CELF3: variants seen among roughly 807,000 people sequenced by gnomAD.
CELF3 encodes the protein CAG repeat domain.
Under a neutral mutation model 59.6 loss-of-function variants are expected in CELF3, and 26 were observed. That is an observed-to-expected ratio of 0.44 (90% CI 0.32 to 0.61). The LOEUF is 0.61. Ranked by LOEUF, CELF3 falls within the 20% of genes least tolerant of loss-of-function variation. The probability of loss-of-function intolerance (pLI) is 0.06; values close to 1 mark genes in which losing one functional copy is unlikely to be tolerated. For missense variants in CELF3, 387 were observed against 627.2 expected (o/e 0.62, Z 4.09); for synonymous variants, 245 against 250.7 (o/e 0.98, Z 0.22).
intron 5 of CELF3, among the ~76,000 whole-genome samples, 194 bp downstream of exon 5, chr1:151,708,803 AG>A (rs1672774035): frequency 6.8e-6 from 1 of 146,544 alleles, no homozygotes. Flanking sequence ...GATGGGGAAT[AG>A]GGGAGGAGTG....
intron 2 of CELF3, among the ~76,000 whole-genome samples, chr1:151,713,956 G>A (rs1673242785): frequency 6.6e-6 from 1 of 152,142 alleles, no homozygotes. Context: ...CATACCTGGT[G>A]GCATCAGGCC....
In CELF3 at chr1:151,703,074, GCGGCT is replaced by G; in HGVS notation, c.*380_*384del. ...AGCTGGGAGTGTGTGGCAGGCCCCTGCGGCTCTCCTGGGGCCTGCACGGGTAGAAC... is the reference window on the plus strand; with the variant it reads ...AGCTGGGAGTGTGTGGCAGGCCCCTGCTCCTGGGGCCTGCACGGGTAGAAC... On this transcript the variant is annotated 3_prime_UTR_variant, in exon 13 of 13. Transcript: ENST00000290583. The G allele has an allele frequency of 9.3e-6, 4 of 430,986 alleles. No homozygotes were observed. The highest frequency in any genetic ancestry group is 6.5e-5 in the South Asian group (4 of 61,914). 26.7% of individuals were successfully genotyped at this position (430,986 alleles called of 1,614,324 possible). A position where few individuals can be genotyped will look rare whatever the true frequency, so the allele number is the denominator to read the frequency against.
intron 7 of CELF3, 98 bp from the exon 8 acceptor site, chr1:151,707,392 G>A (rs1318007665): frequency 6.5e-7 from 1 of 1,533,984 alleles, no homozygotes; most frequent in African/African-American, 1.4e-5. Context: ...GAGGAAGCAG[G>A]CCTCTCTGAC....
In CELF3 at chr1:151,702,533, C is replaced by G. The variant is rs1477403842; in HGVS notation, c.*926G>C. On this transcript the variant is annotated 3_prime_UTR_variant, in exon 13 of 13. Transcript: ENST00000290583. The stretch of plus-strand genomic sequence containing the variant: ...CCCCGGTCTCCCCTTACCACCCCCA[C>G]CCCCACCCCATTTTCTTTTCCCTAA... 6.9e-6 allele frequency: 1 copy of G among 144,378 alleles called. No homozygotes were observed. Among genetic ancestry groups the G allele is most frequent in the African/African-American group, 2.6e-5 (1 of 38,470 alleles). 8.9% of individuals were successfully genotyped at this position (144,378 alleles called of 1,614,324 possible). A position where few individuals can be genotyped will look rare whatever the true frequency, so the allele number is the denominator to read the frequency against.
Position 151,700,796 on chromosome 1 carries a change from G to A in CELF3, c.*2663C>T, listed in dbSNP as rs1452561001. Among the ~76,000 whole-genome samples the A allele has an allele frequency of 6.6e-6, 1 of 152,224 alleles. No individual in the cohort carries two copies. Among genetic ancestry groups the A allele is most frequent in the African/African-American group, 2.4e-5 (1 of 41,464 alleles). On this transcript the variant is annotated 3_prime_UTR_variant, in exon 13 of 13. Transcript: ENST00000290583. ...AAAACTCTTGAGGTTTTCTGTCTAT[G>A]TGACTAGAAAATAGAAATATATGAG...
At chr1:151,712,676 C>T (rs1369045307) in intron 2 of CELF3, among the ~76,000 whole-genome samples, 2 of 152,234 alleles carry the variant, frequency 1.3e-5, no homozygotes, top group African/African-American at 4.8e-5. Context: ...AAATGGGGCT[C>T]AACAGCTATA....
intron 2 of CELF3, among the ~76,000 whole-genome samples, chr1:151,712,359 C>A (rs1392437111): frequency 6.6e-6 from 1 of 152,268 alleles, no homozygotes; most frequent in Non-Finnish European, 1.5e-5. Context: ...CCTCACAGTT[C>A]TCACAAAATC....
chr1:151,706,470 T>A, intron 9 of CELF3, 109 bp from the exon 10 acceptor site: 2 of 1,278,374 alleles, frequency 1.6e-6, no homozygotes, highest in Non-Finnish European at 1.1e-6. Context: ...CCTGCAGGGC[T>A]GAGAGGTGGT....
Position 151,709,269 on chromosome 1 carries a change from C to G in CELF3, c.357G>C (p.Gly119=), listed in dbSNP as rs759629455. The G allele has an allele frequency of 5.6e-6, 9 of 1,614,054 alleles. No individual in the cohort carries two copies. Among genetic ancestry groups the G allele is most frequent in the Non-Finnish European group, 7.6e-6 (9 of 1,179,946 alleles). The change falls in exon 4 of 13, where the codon GGG becomes GGC. Residue 119 remains glycine (G), a synonymous_variant. Transcript: ENST00000290583. This position sits in a 1 kb window ranked among gnomAD's most constrained non-coding sequence, Gnocchi z 4.9. ...EDVRKMFEPF[G]TIDECTVLRG... is the part of the protein sequence containing the mutation. ...GGAGCACAGTGCACTCGTCGATGGT[C>G]CCGAAGGGCTCAAACATCTTCCGGA...
In CELF3 at chr1:151,709,825, C is replaced by T. The variant is rs766413872; in HGVS notation, c.229-34G>A. 6.2e-7 allele frequency: 1 copy of T among 1,611,404 alleles called. No homozygotes were observed. Among genetic ancestry groups the T allele is most frequent in the Non-Finnish European group, 8.5e-7 (1 of 1,177,488 alleles). On this transcript the variant is annotated intron_variant, in intron 2 of 12. Transcript: ENST00000290583. This position sits in a 1 kb window ranked among gnomAD's most constrained non-coding sequence, Gnocchi z 4.9. ...GAGAAGAGAAGGCAGCTGCTGGGGA[C>T]CTCCTCTGAACACCCAAGAGCCCTC...
chr1:151,712,633 C>A (rs913591374), intron 2 of CELF3, among the ~76,000 whole-genome samples: 3 of 152,206 alleles, frequency 2.0e-5, no homozygotes, highest in Admixed American at 2.0e-4. Flanking sequence ...TGTGGCAGAG[C>A]CACTCCTGGG....
rs373583377 is a variant in CELF3, at chr1:151,706,210, G to T, written c.1126+14C>A. On this transcript the variant is annotated intron_variant, in intron 10 of 12. Coordinates refer to ENST00000290583, the MANE Select transcript of CELF3 (RefSeq NM_007185.7). Reference sequence around the variant, plus strand: ...AACGAGGGCATTCCTGTCTCCCAAGGCCCCAGCCAGCACCTTCTCTTTGCT... The same window carrying T: ...AACGAGGGCATTCCTGTCTCCCAAGTCCCCAGCCAGCACCTTCTCTTTGCT... 2.2e-5 allele frequency: 35 copies of T among 1,611,042 alleles called. No individual in the cohort carries two copies. The highest frequency in any genetic ancestry group is 1.7e-4 in the African/African-American group (13 of 74,954).
Position 151,709,263 on chromosome 1 carries a change from G to C in CELF3, c.363C>G (p.Ile121Met), listed in dbSNP as rs375546699. The change falls in exon 4 of 13, where the codon ATC becomes ATG. Residue 121 changes from isoleucine (I) to methionine (M), a missense_variant. This residue lies in a region of CELF3 where 208 missense variants were observed against 354.8 expected (regional missense o/e 0.59). Coordinates refer to ENST00000290583, the MANE Select transcript of CELF3 (RefSeq NM_007185.7). This position sits in a 1 kb window ranked among gnomAD's most constrained non-coding sequence, Gnocchi z 4.9. ...VRKMFEPFGT[I>M]DECTVLRGPD... is the part of the protein sequence containing the mutation. ...GCCCCCGGAGCACAGTGCACTCGTC[G>C]ATGGTCCCGAAGGGCTCAAACATCT... is the stretch of plus-strand genomic sequence containing the variant. 6.8e-6 allele frequency: 11 copies of C among 1,613,934 alleles called. No individual in the cohort carries two copies. The highest frequency in any genetic ancestry group is 9.3e-6 in the Non-Finnish European group (11 of 1,179,958).
At chr1:151,711,230 G>C (rs1274077926) in intron 2 of CELF3, 1 of 209,584 alleles carries the variant, frequency 4.8e-6, no homozygotes, top group Non-Finnish European at 9.7e-6. Context: ...GTTCCGGTCA[G>C]CTCCAGGCTC....
At chr1:151,706,644 A>C (rs1472329045) in intron 9 of CELF3, 25 bp downstream of exon 9, 3 of 1,550,224 alleles carry the variant, frequency 1.9e-6, no homozygotes, top group Non-Finnish European at 2.6e-6. Flanking sequence ...CCACCTGAGC[A>C]GGGGCCCTGG....
chr1:151,714,222 T>G (rs1673266399), intron 2 of CELF3, among the ~76,000 whole-genome samples: 1 of 151,900 alleles, frequency 6.6e-6, no homozygotes, highest in Admixed American at 6.6e-5. Flanking sequence ...CTTTCCAGAG[T>G]GACAAAAGAG....
In CELF3 at chr1:151,700,201, T is replaced by TA. The variant is rs1371625073; in HGVS notation, c.*3257dup. ...CAGGCTCACAGAAGAATGAGACACT[T>TA]ACGCATGGCCATGATACACAGCAGT... is the stretch of plus-strand genomic sequence containing the variant. On this transcript the variant is annotated 3_prime_UTR_variant, in exon 13 of 13. Coordinates refer to ENST00000290583, the MANE Select transcript of CELF3 (RefSeq NM_007185.7). 2.6e-5 allele frequency among the ~76,000 whole-genome samples: 4 copies of TA among 152,098 alleles called. No individual in the cohort carries two copies. Among genetic ancestry groups the TA allele is most frequent in the East Asian group, 1.9e-4 (1 of 5,196 alleles).
intron 12 of CELF3, among the ~76,000 whole-genome samples, chr1:151,704,218 G>A (rs1672324698): frequency 2.6e-5 from 4 of 152,104 alleles, no homozygotes. Context: ...GGTTGGGGGA[G>A]TTAAGCAGCC....
chr1:151,715,627 C>T (rs1673415040), intron 1 of CELF3: 4 of 1,479,394 alleles, frequency 2.7e-6, no homozygotes, highest in Admixed American at 4.1e-5. Flanking sequence ...ACCCATATGT[C>T]TGGGATCCAC....
Sources: allele counts gnomAD v4.1 joint callset (sites outside exome capture counted in the v4.1 genomes callset), GRCh38; gene constraint gnomAD v4.1.1; regional missense constraint gnomAD v4.1.1; non-coding constraint Gnocchi (gnomAD v3.1); transcripts MANE v1.5; gene names NCBI Gene and HGNC (gene_info 2026-07-23, HGNC 2026-07-21).